PKD2: variants seen among roughly 807,000 people sequenced by gnomAD.
The protein encoded by PKD2 is polycystin 2, transient receptor potential cation channel.
Under a neutral mutation model 105.9 loss-of-function variants are expected in PKD2, and 48 were observed. The ratio of observed to expected loss-of-function variants is 0.45; its 90% CI spans 0.36 to 0.58. The LOEUF (loss-of-function observed/expected upper bound fraction) is 0.58. Among genes scored for constraint, PKD2 ranks in the 20% least tolerant of loss-of-function variants. PKD2 has a pLI of 0.00. For synonymous variants in PKD2, 464 were observed against 481.1 expected (o/e 0.96, Z 0.46); for missense variants, 1,078 against 1,255.3 (o/e 0.86, Z 2.13).
intron 2 of PKD2, among the ~76,000 whole-genome samples, chr4:88,023,063 C>T (rs551146371): frequency 1.6e-3 from 246 of 150,232 alleles, no homozygotes; most frequent in South Asian, 5.7e-3. Context: ...CCAGCCTGGG[C>T]GACAGAGCAA....
In PKD2 at chr4:88,023,141, G is replaced by C. The variant is rs144728213; in HGVS notation, c.709+3570G>C. Among the ~76,000 whole-genome samples the C allele has an allele frequency of 9.2e-5, 14 of 152,064 alleles. No individual in the cohort carries two copies. In the East Asian group the frequency reaches 2.7e-3, roughly 29 times the overall value. ...TAAATAAATAAATAGAAAAGAAAAA[G>C]AAAGAAAAGAGATTTATTTGCCTCA... On this transcript the variant is annotated intron_variant, in intron 2 of 14. Transcript: ENST00000237596.
At chr4:88,027,381 T>TG in intron 2 of PKD2, among the ~76,000 whole-genome samples, 1 of 152,306 alleles carries the variant, frequency 6.6e-6, no homozygotes, top group South Asian at 2.1e-4. Context: ...CAGACTTGAA[T>TG]GGGGCCTGTG....
At chr4:88,018,058 A>G (rs933090929) in intron 1 of PKD2, among the ~76,000 whole-genome samples, 1 of 152,234 alleles carries the variant, frequency 6.6e-6, no homozygotes, top group African/African-American at 2.4e-5. Flanking sequence ...CTTTAATATG[A>G]TAGTGTTTCA....
chr4:88,007,956 C>G lies in PKD2; in HGVS notation c.223C>G (p.Pro75Ala). The change falls in exon 1 of 15, where the codon CCT becomes GCT. Residue 75 changes from proline to alanine, a missense_variant. Physicochemically the swap from Pro to Ala is conservative, Grantham distance 27. Coordinates refer to ENST00000237596, the MANE Select transcript of PKD2 (RefSeq NM_000297.4). ...RDPPAGAAAS[P>A]SPPLSSCSRQ... Reference sequence around the variant, plus strand: ...CCCCCCGGCCGGAGCCGCGGCCTCCCCTTCTCCTCCGCTCTCGTCGTGCTC... The same window carrying G: ...CCCCCCGGCCGGAGCCGCGGCCTCCGCTTCTCCTCCGCTCTCGTCGTGCTC... The G allele has an allele frequency of 6.7e-7, 1 of 1,482,974 alleles. No individual in the cohort carries two copies. Among genetic ancestry groups the G allele is most frequent in the South Asian group, 1.3e-5 (1 of 79,274 alleles). The allele number at this position is 1,482,974 out of a possible 1,614,324, so 91.9% of individuals were successfully genotyped here.
Position 88,038,358 on chromosome 4 carries a change from G to A in PKD2, c.951G>A (p.Gly317=). 1.9e-6 allele frequency: 3 copies of A among 1,614,034 alleles called. No homozygotes were observed. The highest frequency in any genetic ancestry group is 2.5e-6 in the Non-Finnish European group (3 of 1,179,932). Residue 317 remains glycine, a synonymous_variant, in exon 4 of 15, where the codon GGG becomes GGA. Coordinates refer to ENST00000237596, the MANE Select transcript of PKD2 (RefSeq NM_000297.4). ...TCTTCTATGAGAACCTGCTGTTAGG[G>A]GTTCCACGAATACGGCAACTCCGAG... is the stretch of plus-strand genomic sequence containing the variant. ...SFIFYENLLL[G]VPRIRQLRVR...
At chr4:88,049,661 A>C (rs1719967592) in intron 6 of PKD2, among the ~76,000 whole-genome samples, 1 of 152,188 alleles carries the variant, frequency 6.6e-6, no homozygotes, top group Admixed American at 6.5e-5. Flanking sequence ...CTGGACCTTC[A>C]AACCAGTGGA....
chr4:88,066,274 T>G (rs1720791265), intron 12 of PKD2, among the ~76,000 whole-genome samples: 1 of 151,990 alleles, frequency 6.6e-6, no homozygotes, highest in Admixed American at 6.6e-5. Flanking sequence ...ACAATGTCCG[T>G]GAGAGTGAAG....
chr4:88,062,472 A>G (rs1047064856), intron 10 of PKD2, among the ~76,000 whole-genome samples: 2 of 152,262 alleles, frequency 1.3e-5, no homozygotes, highest in African/African-American at 4.8e-5. Context: ...CAGTTTTAAA[A>G]TAAGCAAAGG....
At chr4:88,040,922 G>T (rs1727537423) in intron 4 of PKD2, among the ~76,000 whole-genome samples, 1 of 152,042 alleles carries the variant, frequency 6.6e-6, no homozygotes, top group South Asian at 2.1e-4. Context: ...TCAACAATGT[G>T]CCAGGCATGT....
intron 10 of PKD2, among the ~76,000 whole-genome samples, chr4:88,063,255 G>C (rs1412851514): frequency 1.3e-5 from 2 of 152,194 alleles, no homozygotes; most frequent in Admixed American, 6.5e-5. Context: ...ATGGATAATT[G>C]AAAAAGAGAA....
At chr4:88,033,935 A>G (rs1179151670) in intron 2 of PKD2, among the ~76,000 whole-genome samples, 1 of 152,186 alleles carries the variant, frequency 6.6e-6, no homozygotes, top group Non-Finnish European at 1.5e-5. Flanking sequence ...CAGTGTACTC[A>G]TGTCCATCCT....
rs1328973483 is a variant in PKD2 at position 88,007,705 on chromosome 4, C to A, written c.-29C>A. On this transcript the variant is annotated 5_prime_UTR_variant, in exon 1 of 15. Coordinates refer to ENST00000237596, the MANE Select transcript of PKD2 (RefSeq NM_000297.4). ...GCACAGCGCCGAGCGCGGCGCCGCG[C>A]ACCCGCGCGCCGGACGCCAGTGACC... 3.2e-5 allele frequency: 37 copies of A among 1,170,358 alleles called. No homozygotes were observed. The highest frequency in any genetic ancestry group is 3.6e-5 in the Non-Finnish European group (34 of 941,536). 72.5% of individuals were successfully genotyped at this position (1,170,358 alleles called of 1,614,324 possible).
intron 6 of PKD2, among the ~76,000 whole-genome samples, chr4:88,049,340 G>A (rs1463678369): frequency 6.6e-6 from 1 of 152,212 alleles, no homozygotes; most frequent in East Asian, 1.9e-4. Flanking sequence ...CCATAGCCCA[G>A]TGAATTGCCT....
In PKD2 at chr4:88,038,442, T is replaced by C. The variant is rs113818977; in HGVS notation, c.1035T>C (p.Tyr345=). 17 of 1,613,120 alleles carry C rather than the reference T, an allele frequency of 1.1e-5. No individual in the cohort carries two copies. In the African/African-American group the frequency reaches 1.9e-4, roughly 18 times the overall value. Residue 345 remains tyrosine, a synonymous_variant, in exon 4 of 15, where the codon TAT becomes TAC. Transcript: ENST00000237596. The stretch of plus-strand genomic sequence containing the variant: ...TGAGAGATGAAATTAAAGAGTGCTA[T>C]GATGTCTACTCTGTCAGTAGTGAAG... ...QDLRDEIKEC[Y]DVYSVSSEDR...
In PKD2 at chr4:88,020,950, T is replaced by G. The variant is rs142026947; in HGVS notation, c.709+1379T>G. Among the ~76,000 whole-genome samples, 367 of 152,304 alleles carry G rather than the reference T, an allele frequency of 2.4e-3. 3 individuals are homozygous for G. The highest frequency in any genetic ancestry group is 8.5e-3 in the African/African-American group (352 of 41,578). ...CAAGTGATCCTCCTGCCTTGGAAGT[T>G]CTGGGATTATAGGCATGAGCCACTG... is the stretch of plus-strand genomic sequence containing the variant. On this transcript the variant is annotated intron_variant, in intron 2 of 14. Transcript: ENST00000237596.
chr4:88,068,469 CAA>C (rs34639849), intron 13 of PKD2, among the ~76,000 whole-genome samples: 5 of 139,052 alleles, frequency 3.6e-5, no homozygotes, highest in Admixed American at 7.2e-5. Flanking sequence ...GACTCTGTCT[CAA>C]AAAAAAAAAA....
At chr4:88,038,934 G>C (rs1275010224) in intron 4 of PKD2, among the ~76,000 whole-genome samples, 1 of 152,084 alleles carries the variant, frequency 6.6e-6, no homozygotes, top group African/African-American at 2.4e-5. Context: ...AAGCTTGTGA[G>C]GCAATTTTTT....
intron 7 of PKD2, among the ~76,000 whole-genome samples, chr4:88,054,048 T>G (rs1720216080): frequency 6.6e-6 from 1 of 151,470 alleles, no homozygotes; most frequent in Non-Finnish European, 1.5e-5. Flanking sequence ...ATTACTGAAG[T>G]TTCCTTGATT....
intron 13 of PKD2, among the ~76,000 whole-genome samples, chr4:88,068,343 A>C (rs1053642458): frequency 1.3e-5 from 2 of 152,040 alleles, no homozygotes; most frequent in East Asian, 3.9e-4. Context: ...GGTGGTGGGC[A>C]CCTGTAATCC....
Sources: gnomAD v4.1 joint callset for allele counts (sites outside exome capture counted in the v4.1 genomes callset) on GRCh38, gnomAD v4.1.1 for gene constraint, MANE v1.5 for transcripts, NCBI Gene and HGNC (gene_info 2026-07-23, HGNC 2026-07-21) for gene names.